EIF4E3: variants seen among roughly 807,000 people sequenced by gnomAD.
EIF4E3 encodes eukaryotic translation initiation factor 4E type 3.
EIF4E3 carries 26 observed loss-of-function variants against 31.7 expected under a neutral mutation model. The observed-to-expected ratio is 0.82, with a 90% CI of 0.60 to 1.14. EIF4E3 has a LOEUF of 1.14. Among genes scored for constraint, EIF4E3 ranks in the 50% most tolerant of loss-of-function variants. EIF4E3 has a pLI of 0.00. For missense variants in EIF4E3, 304 were observed against 270.9 expected, an observed-to-expected ratio of 1.12 and a Z score of -0.86; for synonymous variants, 128 against 107.7, an observed-to-expected ratio of 1.19 and a Z score of -1.17.
chr3:71,664,556 C>T, the EIF4E3 span, among the ~76,000 whole-genome samples: 1 of 152,076 alleles, frequency 6.6e-6, no homozygotes, highest in East Asian at 1.9e-4. Flanking sequence ...TTGGGGCTTA[C>T]TGGGACTGTT....
rs771423719 is a variant in EIF4E3 at position 71,682,921 on chromosome 3, TA to T, written c.*1760del. 20 of 152,596 alleles carry T rather than the reference TA, an allele frequency of 1.3e-4. No individual in the cohort carries two copies. The East Asian group carries it at 3.9e-3, about 29-fold the overall frequency. 9.5% of individuals were successfully genotyped at this position (152,596 alleles called of 1,614,324 possible). A position where few individuals can be genotyped will look rare whatever the true frequency, so the allele number is the denominator to read the frequency against. On this transcript the variant is annotated 3_prime_UTR_variant, in exon 7 of 7. Transcript: ENST00000425534. Reference sequence around the variant, plus strand: ...TTCAATCAGAAAAATACTTATATTATAAAAAAGTTTTAATTCATGTCCAGAA... The same window carrying T: ...TTCAATCAGAAAAATACTTATATTATAAAAAGTTTTAATTCATGTCCAGAA...
the EIF4E3 span, among the ~76,000 whole-genome samples, chr3:71,669,983 T>C: frequency 2.0e-5 from 3 of 152,200 alleles, no homozygotes; most frequent in Admixed American, 2.0e-4. Flanking sequence ...GACACAACAC[T>C]GACAAGAACA....
At chr3:71,750,215 C>A (rs550589586) in intron 1 of EIF4E3, among the ~76,000 whole-genome samples, 68 of 152,308 alleles carry the variant, frequency 4.5e-4, no homozygotes, top group African/African-American at 1.6e-3. Flanking sequence ...TTTCCTTATA[C>A]CTAAACTCAA....
intron 2 of EIF4E3, among the ~76,000 whole-genome samples, chr3:71,704,929 G>A (rs1445181070): frequency 1.3e-5 from 2 of 152,314 alleles, no homozygotes; most frequent in East Asian, 1.9e-4. Flanking sequence ...TTCATAACTG[G>A]ATTGTAGCTA....
At chr3:71,730,621 G>C (rs1443286014) in intron 1 of EIF4E3, among the ~76,000 whole-genome samples, 2 of 152,156 alleles carry the variant, frequency 1.3e-5, no homozygotes, top group African/African-American at 2.4e-5. Flanking sequence ...CTTGAGGTTT[G>C]GTTGTCCCAC....
chr3:71,726,285 A>G (rs553468979), upstream of EIF4E3, among the ~76,000 whole-genome samples: 1 of 152,330 alleles, frequency 6.6e-6, no homozygotes, highest in African/African-American at 2.4e-5. Context: ...GGAGGAGGAA[A>G]GCGGGCACCT....
chr3:71,737,355 T>C (rs1200766278), intron 1 of EIF4E3, among the ~76,000 whole-genome samples: 1 of 152,224 alleles, frequency 6.6e-6, no homozygotes, highest in Non-Finnish European at 1.5e-5. Context: ...GAATATCTGG[T>C]GTACAAAACA....
intron 1 of EIF4E3, among the ~76,000 whole-genome samples, chr3:71,717,865 T>C (rs770739974): frequency 4.6e-5 from 7 of 152,232 alleles, no homozygotes; most frequent in Non-Finnish European, 8.8e-5. Flanking sequence ...CAGTATCCAG[T>C]CCAGTGCTTA....
intron 1 of EIF4E3, among the ~76,000 whole-genome samples, chr3:71,751,483 C>G (rs1286838279): frequency 6.6e-6 from 1 of 152,182 alleles, no homozygotes; most frequent in Non-Finnish European, 1.5e-5. Context: ...CATAAAGCAA[C>G]CAGAGTTGGT....
chr3:71,673,896 AATAAT>A (rs953331735), downstream of EIF4E3, among the ~76,000 whole-genome samples: 3 of 144,366 alleles, frequency 2.1e-5, no homozygotes, highest in African/African-American at 5.2e-5. Context: ...GGATTAAAAT[AATAAT>A]ATAATAATTA....
At position 71,725,375 on chromosome 3, in the gene EIF4E3, G is replaced by A. The variant is rs1263472910; in HGVS notation, c.-8C>T. 4.1e-6 allele frequency: 4 copies of A among 977,162 alleles called. No homozygotes were observed. The highest frequency in any genetic ancestry group is 4.8e-6 in the Non-Finnish European group (4 of 826,168). 60.5% of individuals were successfully genotyped at this position (977,162 alleles called of 1,614,324 possible). A position where few individuals can be genotyped will look rare whatever the true frequency, so the allele number is the denominator to read the frequency against. On this transcript the variant is annotated 5_prime_UTR_variant, in exon 1 of 7. Transcript: ENST00000425534. The surrounding 1 kb of genome is among the most constrained non-coding windows in gnomAD (Gnocchi z 6.1). The stretch of plus-strand genomic sequence containing the variant: ...GGCCGGGGGCAGCGCCATTTTCTCC[G>A]CCCCGCCTGCAAGGCCGGCGGACGC...
rs543697552 is a variant in EIF4E3, at chr3:71,699,475, C to G, written c.344+139G>C. On this transcript the variant is annotated intron_variant, in intron 3 of 6. Coordinates refer to ENST00000425534, the MANE Select transcript of EIF4E3 (RefSeq NM_001134651.2). Reference sequence around the variant, plus strand: ...ATTAAAGAAGGAGGACACTTACCCCCAGACCCTGGGCCATGATTGGTATCA... The same window carrying G: ...ATTAAAGAAGGAGGACACTTACCCCGAGACCCTGGGCCATGATTGGTATCA... 344 of 768,198 alleles carry G rather than the reference C, an allele frequency of 4.5e-4. 1 individual carries two copies. The highest frequency in any genetic ancestry group is 7.0e-4 in the Non-Finnish European group (319 of 454,422). 47.6% of individuals were successfully genotyped at this position (768,198 alleles called of 1,614,324 possible). A position where few individuals can be genotyped will look rare whatever the true frequency, so the allele number is the denominator to read the frequency against.
At chr3:71,702,981 T>C (rs1313707370) in intron 2 of EIF4E3, among the ~76,000 whole-genome samples, 1 of 152,246 alleles carries the variant, frequency 6.6e-6, no homozygotes, top group African/African-American at 2.4e-5. Context: ...TTACTATATA[T>C]AAAATCTTGC....
rs565707497 is a variant in EIF4E3, at chr3:71,740,865, G to C, written c.-290-12242C>G. Among the ~76,000 whole-genome samples the C allele has an allele frequency of 6.6e-5, 10 of 152,314 alleles. No homozygotes were observed. In the South Asian group the frequency reaches 2.1e-3, roughly 32 times the overall value. ...AAAACCACACATCCCAGCCGGCCGC[G>C]GTGGCTCACGCCTGTAATCCCAGTA... On this transcript the variant is annotated intron_variant, in intron 1 of 7. Transcript: ENST00000295612.
At position 71,679,164 on chromosome 3, in the gene EIF4E3, T is replaced by A. The variant is rs2048895914; in HGVS notation, c.*5518A>T. 6.6e-6 allele frequency: 1 copy of A among 152,166 alleles called. No individual in the cohort carries two copies. Among genetic ancestry groups the A allele is most frequent in the Admixed American group, 6.5e-5 (1 of 15,270 alleles). 9.4% of individuals were successfully genotyped at this position (152,166 alleles called of 1,614,324 possible). A position where few individuals can be genotyped will look rare whatever the true frequency, so the allele number is the denominator to read the frequency against. Reference sequence around the variant, plus strand: ...GTCCTTTAATATTCACCATTCATCATGTAATGTAAAGTGCTAAAATTAAAA... The same window carrying A: ...GTCCTTTAATATTCACCATTCATCAAGTAATGTAAAGTGCTAAAATTAAAA... On this transcript the variant is annotated 3_prime_UTR_variant, in exon 7 of 7. Transcript: ENST00000425534.
the EIF4E3 span, among the ~76,000 whole-genome samples, chr3:71,662,647 C>T: frequency 6.6e-6 from 1 of 152,124 alleles, no homozygotes; most frequent in Non-Finnish European, 1.5e-5. Context: ...TCCGGTGGTG[C>T]CAGCACATGG....
rs2108020526 is a variant in EIF4E3, at chr3:71,690,113, G to A, written c.525C>T (p.Val175=). 1 of 1,613,586 alleles carries A rather than the reference G, an allele frequency of 6.2e-7. No homozygotes were observed. The highest frequency in any genetic ancestry group is 1.3e-5 in the African/African-American group (1 of 74,960). The change falls in exon 6 of 7, where the codon GTC becomes GTT. Residue 175 remains valine, a synonymous_variant. Coordinates refer to ENST00000425534, the MANE Select transcript of EIF4E3 (RefSeq NM_001134651.2). The stretch of plus-strand genomic sequence containing the variant: ...AAGAGGCATTTACATTCCAGACTTG[G>A]ACGACGTCTTCTCGGTCCCGAACAC... ...SVSVRDREDV[V]QVWNVNASLV... is the part of the protein sequence containing the mutation.
At chr3:71,671,545 A>G (rs1273440891), downstream of EIF4E3, among the ~76,000 whole-genome samples, 2 of 152,222 alleles carry the variant, frequency 1.3e-5, no homozygotes, top group African/African-American at 4.8e-5. Flanking sequence ...TCAGGATCAG[A>G]AAGACACTTG....
At chr3:71,744,183 G>A (rs2049848569) in intron 1 of EIF4E3, among the ~76,000 whole-genome samples, 1 of 151,822 alleles carries the variant, frequency 6.6e-6, no homozygotes, top group South Asian at 2.1e-4. Context: ...GGGGAAAATA[G>A]GATTTCCAAA....
Sources: gnomAD v4.1 joint callset for allele counts (sites outside exome capture counted in the v4.1 genomes callset) on GRCh38, gnomAD v4.1.1 for gene constraint, Gnocchi (gnomAD v3.1) non-coding constraint, MANE v1.5 for transcripts, NCBI Gene and HGNC (gene_info 2026-07-23, HGNC 2026-07-21) for gene names.